The following NEGR1 variants were observed in gnomAD, a reference collection of about 807,000 sequenced individuals.
NEGR1 encodes IgLON family member 4.
In NEGR1, 10 loss-of-function variants were observed where a neutral mutation model predicts 40.9. The observed-to-expected ratio is 0.24, with a 90% CI of 0.15 to 0.42. The LOEUF (loss-of-function observed/expected upper bound fraction) is 0.42. Ranked by LOEUF, NEGR1 falls within the 10% of genes least tolerant of loss-of-function variation. NEGR1 has a pLI of 1.00. For synonymous variants in NEGR1, 185 were observed against 166.8 expected, an observed-to-expected ratio of 1.11 and a Z score of -0.84; for missense variants, 352 against 438.9, an observed-to-expected ratio of 0.80 and a Z score of 1.77.
chr1:72,113,456 GA>G (rs571021968), intron 1 of NEGR1, among the ~76,000 whole-genome samples: 1 of 150,404 alleles, frequency 6.6e-6, no homozygotes, highest in Non-Finnish European at 1.5e-5. Context: ...TATGTGTTTA[GA>G]AAAAAAATAT....
chr1:71,633,600 T>A (rs1383194981), intron 4 of NEGR1, among the ~76,000 whole-genome samples: 2 of 152,056 alleles, frequency 1.3e-5, no homozygotes, highest in Non-Finnish European at 1.5e-5. Flanking sequence ...TTTATTACCA[T>A]GGAAAGTTAG....
At chr1:71,546,026 TAAAC>T (rs772508619) in intron 6 of NEGR1, among the ~76,000 whole-genome samples, 2 of 151,774 alleles carry the variant, frequency 1.3e-5, no homozygotes, top group Non-Finnish European at 3.0e-5. Flanking sequence ...CTGTGTCTGA[TAAAC>T]AGACAGGAGT....
At chr1:71,501,720 C>A (rs914849091) in intron 6 of NEGR1, among the ~76,000 whole-genome samples, 2 of 151,988 alleles carry the variant, frequency 1.3e-5, no homozygotes, top group South Asian at 2.1e-4. Flanking sequence ...AAATAATGTT[C>A]ATAAAATTAT....
chr1:71,561,892 G>A (rs567796783), intron 6 of NEGR1, among the ~76,000 whole-genome samples: 1 of 147,132 alleles, frequency 6.8e-6, no homozygotes, highest in African/African-American at 2.5e-5. Flanking sequence ...GAATCACTGA[G>A]ATGTAGGAGA....
chr1:71,979,254 C>T (rs1174093438), intron 1 of NEGR1, among the ~76,000 whole-genome samples: 1 of 151,930 alleles, frequency 6.6e-6, no homozygotes, highest in Non-Finnish European at 1.5e-5. Flanking sequence ...ATAACTATTG[C>T]GTACTAGGCT....
At chr1:72,213,057 G>A (rs1287682702) in intron 1 of NEGR1, among the ~76,000 whole-genome samples, 1 of 151,596 alleles carries the variant, frequency 6.6e-6, no homozygotes, top group Non-Finnish European at 1.5e-5. Flanking sequence ...CATAGTTAAA[G>A]GCATGAAAAT....
chr1:71,910,208 A>G (rs916912726), intron 2 of NEGR1, among the ~76,000 whole-genome samples: 2 of 152,230 alleles, frequency 1.3e-5, no homozygotes, highest in Non-Finnish European at 2.9e-5. Context: ...TGTTGGCGAT[A>G]AACTTTGAAT....
chr1:72,192,658 T>C (rs1250011441), intron 1 of NEGR1, among the ~76,000 whole-genome samples: 1 of 151,874 alleles, frequency 6.6e-6, no homozygotes, highest in Non-Finnish European at 1.5e-5. Context: ...GAAATACTAA[T>C]TAAGCTTCCA....
At chr1:71,813,502 G>T (rs947383208) in intron 2 of NEGR1, among the ~76,000 whole-genome samples, 6 of 151,938 alleles carry the variant, frequency 3.9e-5, no homozygotes, top group African/African-American at 7.2e-5. Flanking sequence ...AAATAGCATT[G>T]AATCTATAAA....
At chr1:71,923,144 G>A (rs1364080276) in intron 2 of NEGR1, among the ~76,000 whole-genome samples, 1 of 152,022 alleles carries the variant, frequency 6.6e-6, no homozygotes, top group Non-Finnish European at 1.5e-5. Flanking sequence ...GCTCACTCAG[G>A]TTAGGTCAGT....
intron 1 of NEGR1, among the ~76,000 whole-genome samples, chr1:72,278,891 G>T (rs967158659): frequency 1.1e-4 from 17 of 151,988 alleles, no homozygotes; most frequent in African/African-American, 3.1e-4. Flanking sequence ...ATGTATTTTA[G>T]ACATCATATA....
intron 6 of NEGR1, among the ~76,000 whole-genome samples, chr1:71,570,350 T>C (rs550046372): frequency 4.6e-5 from 7 of 152,298 alleles, no homozygotes; most frequent in African/African-American, 1.4e-4. Context: ...CTATAGCTCA[T>C]TGGGGGTTTT....
At chr1:71,825,095 A>G (rs192196330) in intron 2 of NEGR1, among the ~76,000 whole-genome samples, 39 of 152,052 alleles carry the variant, frequency 2.6e-4, no homozygotes, top group Admixed American at 3.9e-4. Flanking sequence ...AAAGGATGGC[A>G]CCATTTTAAA....
intron 1 of NEGR1, among the ~76,000 whole-genome samples, chr1:71,967,249 A>G (rs1473671054): frequency 1.3e-5 from 2 of 152,252 alleles, no homozygotes; most frequent in Non-Finnish European, 2.9e-5. Context: ...AATAAATGCC[A>G]CAACTCTGTA....
chr1:71,484,130 A>G (rs888665746), intron 6 of NEGR1, among the ~76,000 whole-genome samples: 3 of 151,722 alleles, frequency 2.0e-5, no homozygotes, highest in African/African-American at 7.3e-5. Context: ...CTAGTTTGCA[A>G]ATATCAGCTT....
In NEGR1 at chr1:72,069,572, A is replaced by C. The variant is rs1047848314; in HGVS notation, c.177-134261T>G. On this transcript the variant is annotated intron_variant, in intron 1 of 6. Transcript: ENST00000357731. Reference sequence around the variant, plus strand: ...GATACCTGTGAAATGGATATCCACTATCTCTCTCTTACACACACACATGCA... The same window carrying C: ...GATACCTGTGAAATGGATATCCACTCTCTCTCTCTTACACACACACATGCA... Among the ~76,000 whole-genome samples the C allele has an allele frequency of 2.6e-5, 4 of 152,120 alleles. No individual in the cohort carries two copies. In the East Asian group the frequency reaches 5.8e-4, roughly 22 times the overall value.
intron 1 of NEGR1, among the ~76,000 whole-genome samples, chr1:72,250,149 AAAG>A (rs920523624): frequency 3.3e-5 from 5 of 152,256 alleles, no homozygotes; most frequent in East Asian, 1.9e-4. Context: ...GAGTTTTCCC[AAAG>A]AAGAAGAAAT....
At chr1:71,700,754 C>G (rs1352619521) in intron 3 of NEGR1, among the ~76,000 whole-genome samples, 4 of 151,980 alleles carry the variant, frequency 2.6e-5, no homozygotes, top group Non-Finnish European at 5.9e-5. Flanking sequence ...TATTCACATC[C>G]TATTCACTAA....
chr1:71,814,278 A>C (rs1170356389), intron 2 of NEGR1, among the ~76,000 whole-genome samples: 1 of 152,032 alleles, frequency 6.6e-6, no homozygotes, highest in Admixed American at 6.6e-5. Context: ...ATCACGGTGA[A>C]TACGCTTTTT....
Sources: allele counts gnomAD v4.1 joint callset (sites outside exome capture counted in the v4.1 genomes callset), GRCh38; gene constraint gnomAD v4.1.1; transcripts MANE v1.5; gene names NCBI Gene and HGNC (gene_info 2026-07-23, HGNC 2026-07-21).